Variants in RBMS3 observed in about 807,000 individuals in gnomAD.
The protein encoded by RBMS3 is RNA binding motif single stranded interacting protein 3.
A neutral mutation model predicts 66.8 loss-of-function variants in RBMS3; 27 were observed. The ratio of observed to expected loss-of-function variants is 0.40; its 90% CI spans 0.30 to 0.56. RBMS3 has a LOEUF of 0.56. RBMS3 is among the 20% of genes least tolerant of loss of function. The pLI is 0.40. For missense variants in RBMS3, 513 were observed against 549.5 expected (o/e 0.93, Z 0.66); for synonymous variants, 188 against 183.0 (o/e 1.03, Z -0.22).
chr3:29,361,904 C>A (rs1265060020), intron 1 of RBMS3, among the ~76,000 whole-genome samples: 1 of 152,156 alleles, frequency 6.6e-6, no homozygotes, highest in Non-Finnish European at 1.5e-5. Flanking sequence ...TCCATCAGGT[C>A]CTTTAAGGAC....
At chr3:29,931,625 C>T (rs1051163167) in intron 10 of RBMS3, among the ~76,000 whole-genome samples, 1 of 110,730 alleles carries the variant, frequency 9.0e-6, no homozygotes, top group Non-Finnish European at 1.9e-5. Flanking sequence ...AAACCCTGAA[C>T]CCTCATCAAA....
At chr3:29,761,181 A>G (rs913187360) in intron 5 of RBMS3, among the ~76,000 whole-genome samples, 3 of 152,142 alleles carry the variant, frequency 2.0e-5, no homozygotes, top group Non-Finnish European at 4.4e-5. Flanking sequence ...GTGAAGACAT[A>G]GGCCTCATTC....
In RBMS3 at chr3:29,994,210, C is replaced by T. The variant is rs541275778; in HGVS notation, c.1307+3001C>T. ...TCGGGTCACTCCCACCCAAATACTG[C>T]ACTTTTCCCACGGGCTTAAAAAATG... On this transcript the variant is annotated intron_variant, in intron 14 of 14. Transcript: ENST00000383767. Among the ~76,000 whole-genome samples, 1,127 of 152,300 alleles carry T rather than the reference C, an allele frequency of 7.4e-3. 6 individuals are homozygous for T. The highest frequency in any genetic ancestry group is 0.014 in the South Asian group (66 of 4,828).
intron 6 of RBMS3, among the ~76,000 whole-genome samples, chr3:29,779,847 T>C (rs932928798): frequency 6.0e-4 from 91 of 150,914 alleles, no homozygotes; most frequent in African/African-American, 2.1e-3. Flanking sequence ...TTTACACTTG[T>C]AGACATTTGA....
At chr3:29,757,739 A>G (rs931032490) in intron 5 of RBMS3, among the ~76,000 whole-genome samples, 4 of 152,214 alleles carry the variant, frequency 2.6e-5, no homozygotes, top group Non-Finnish European at 2.9e-5. Flanking sequence ...TAGATTTTCT[A>G]TATATTGCAC....
chr3:29,391,853 T>G (rs2039311205), intron 1 of RBMS3, among the ~76,000 whole-genome samples: 1 of 152,156 alleles, frequency 6.6e-6, no homozygotes. Context: ...AATACAGAAA[T>G]GGAAACCGAT....
intron 11 of RBMS3, among the ~76,000 whole-genome samples, chr3:29,938,812 C>T (rs138925809): frequency 1.3e-5 from 2 of 152,044 alleles, no homozygotes; most frequent in East Asian, 1.9e-4. Context: ...ACTTTGTTCC[C>T]TTATTAGCTC....
At chr3:29,666,580 C>A (rs1297924825) in intron 4 of RBMS3, among the ~76,000 whole-genome samples, 2 of 152,016 alleles carry the variant, frequency 1.3e-5, no homozygotes, top group Non-Finnish European at 2.9e-5. Flanking sequence ...CCTTTTTATA[C>A]TTGAATGGAG....
At chr3:29,413,280 G>T (rs1196620656) in intron 1 of RBMS3, among the ~76,000 whole-genome samples, 2 of 152,128 alleles carry the variant, frequency 1.3e-5, no homozygotes, top group South Asian at 4.1e-4. Flanking sequence ...TGAGGCAGGA[G>T]AATCGCTTGA....
At chr3:29,702,640 A>G (rs2149292042) in intron 4 of RBMS3, among the ~76,000 whole-genome samples, 1 of 152,270 alleles carries the variant, frequency 6.6e-6, no homozygotes, top group East Asian at 1.9e-4. Flanking sequence ...ACCCACCAGG[A>G]GGAATGAACA....
At chr3:29,614,486 A>C (rs977086542) in intron 4 of RBMS3, 1 of 152,162 alleles carries the variant, frequency 6.6e-6, no homozygotes, top group African/African-American at 2.4e-5. Flanking sequence ...ACAAAATGAT[A>C]AATATGTGAG....
chr3:29,619,505 C>T (rs1407842834), intron 4 of RBMS3, among the ~76,000 whole-genome samples: 1 of 152,076 alleles, frequency 6.6e-6, no homozygotes, highest in South Asian at 2.1e-4. Context: ...GTTGGGAGAT[C>T]TTTTTAAGAC....
rs558418525 is a variant in RBMS3 at position 29,644,745 on chromosome 3, C to T, written c.399+57540C>T. 4.1e-4 allele frequency among the ~76,000 whole-genome samples: 62 copies of T among 152,126 alleles called. 1 individual carries two copies. The South Asian group carries it at 0.012, about 31-fold the overall frequency. Reference sequence around the variant, plus strand: ...ACTCTGATTGTATTGATTGCACAGGCGAAAGTAGGATTATAGCCGAAGAGT... The same window carrying T: ...ACTCTGATTGTATTGATTGCACAGGTGAAAGTAGGATTATAGCCGAAGAGT... On this transcript the variant is annotated intron_variant, in intron 4 of 14. Transcript: ENST00000383767.
intron 6 of RBMS3, among the ~76,000 whole-genome samples, chr3:29,836,623 A>C (rs2149495119): frequency 6.6e-6 from 1 of 152,106 alleles, no homozygotes; most frequent in African/African-American, 2.4e-5. Flanking sequence ...AGTTCTGGAG[A>C]CTTTATGTAC....
At chr3:29,924,495 A>G (rs916357310) in intron 10 of RBMS3, among the ~76,000 whole-genome samples, 3 of 152,152 alleles carry the variant, frequency 2.0e-5, no homozygotes, top group Middle Eastern at 3.2e-3. Flanking sequence ...CATGAATGGC[A>G]GAGGTACACC....
chr3:29,919,406 A>G (rs1463244213), intron 10 of RBMS3, among the ~76,000 whole-genome samples: 1 of 152,194 alleles, frequency 6.6e-6, no homozygotes, highest in Non-Finnish European at 1.5e-5. Flanking sequence ...GCTTTCCTGG[A>G]GGAGAAATGC....
chr3:29,639,148 A>G (rs937544164), intron 4 of RBMS3, among the ~76,000 whole-genome samples: 8 of 151,822 alleles, frequency 5.3e-5, no homozygotes, highest in Admixed American at 3.9e-4. Context: ...GCACGTTTAC[A>G]TGGTCTACCT....
chr3:29,586,124 G>T (rs370742835), intron 3 of RBMS3, among the ~76,000 whole-genome samples: 1 of 151,958 alleles, frequency 6.6e-6, no homozygotes, highest in Admixed American at 6.6e-5. Flanking sequence ...ATGATTCCCT[G>T]CCTGACAGAT....
chr3:29,802,745 A>G (rs2057428197), intron 6 of RBMS3, among the ~76,000 whole-genome samples: 1 of 152,160 alleles, frequency 6.6e-6, no homozygotes, highest in African/African-American at 2.4e-5. Context: ...ATTCTGACAG[A>G]GAAGAGGGAC....
Sources: allele counts gnomAD v4.1 joint callset (sites outside exome capture counted in the v4.1 genomes callset), GRCh38; gene constraint gnomAD v4.1.1; transcripts MANE v1.5; gene names NCBI Gene and HGNC (gene_info 2026-07-23, HGNC 2026-07-21).